The following ZMYND8 variants were observed in gnomAD, a reference collection of about 807,000 sequenced individuals.
ZMYND8 encodes zinc finger MYND-type containing 8, also known as MYND-type zinc finger-containing chromatin reader ZMYND8.
In ZMYND8, 37 loss-of-function variants were observed where a neutral mutation model predicts 140.8. That is an observed-to-expected ratio of 0.26 (90% CI 0.20 to 0.35). The LOEUF is 0.35. ZMYND8 is among the 10% of genes least tolerant of loss of function. ZMYND8 has a pLI of 1.00. For synonymous variants in ZMYND8, 592 were observed against 597.1 expected, an observed-to-expected ratio of 0.99 and a Z score of 0.12; for missense variants, 1,068 against 1,570.0, an observed-to-expected ratio of 0.68 and a Z score of 5.40.
chr20:47,323,357 C>T (rs906918644), intron 2 of ZMYND8, among the ~76,000 whole-genome samples: 6 of 152,136 alleles, frequency 3.9e-5, no homozygotes, highest in African/African-American at 1.4e-4. Context: ...ATCCTCCCAC[C>T]TCAGGCTCCC....
chr20:47,326,525 A>T (rs549406151), intron 2 of ZMYND8, among the ~76,000 whole-genome samples: 14 of 152,206 alleles, frequency 9.2e-5, no homozygotes, highest in Non-Finnish European at 2.1e-4. Context: ...CGCCACTGAG[A>T]TGGCCATTTA....
At chr20:47,230,284 G>GT (rs200382376) in intron 16 of ZMYND8, among the ~76,000 whole-genome samples, 8 of 150,250 alleles carry the variant, frequency 5.3e-5, no homozygotes, top group Non-Finnish European at 7.4e-5. Flanking sequence ...GATGTGTGGT[G>GT]TTTTTTTTGT....
intron 15 of ZMYND8, chr20:47,237,287 T>C (rs978700574): frequency 5.9e-5 from 9 of 151,960 alleles, no homozygotes; most frequent in Non-Finnish European, 1.0e-4. Context: ...GTTACGGGCA[T>C]GTGCCATCAT....
intron 2 of ZMYND8, among the ~76,000 whole-genome samples, chr20:47,341,385 G>A (rs1298344712): frequency 6.6e-6 from 1 of 151,838 alleles, no homozygotes; most frequent in African/African-American, 2.4e-5. Flanking sequence ...AAATTAGCCA[G>A]GCATGGTGGT....
At chr20:47,230,794 CCCCAAAAAGAAAAT>C (rs1209401797) in intron 16 of ZMYND8, among the ~76,000 whole-genome samples, 1 of 152,012 alleles carries the variant, frequency 6.6e-6, no homozygotes, top group African/African-American at 2.4e-5. Context: ...ATTTTCATTA[CCCCAAAAAGAAAAT>C]CCCACTCCCC....
chr20:47,351,601 T>C (rs543544940), intron 1 of ZMYND8: 9 of 914,328 alleles, frequency 9.8e-6, no homozygotes, highest in South Asian at 5.1e-5. Context: ...GATTACAAAA[T>C]AGTGAACATC....
intron 11 of ZMYND8, among the ~76,000 whole-genome samples, 184 bp from the exon 12 acceptor site, chr20:47,262,612 T>C (rs1314051633): frequency 6.6e-6 from 1 of 152,030 alleles, no homozygotes; most frequent in Non-Finnish European, 1.5e-5. Context: ...AGCAAAGGGC[T>C]TTAACCGGAT....
rs113674720 is a variant in ZMYND8, at chr20:47,214,240, G to T, written c.3485-1515C>A. Among the ~76,000 whole-genome samples the T allele has an allele frequency of 5.2e-3, 787 of 152,366 alleles. 8 individuals are homozygous for T. The highest frequency in any genetic ancestry group is 0.018 in the African/African-American group (728 of 41,588). On this transcript the variant is annotated intron_variant, in intron 21 of 22. Transcript: ENST00000471951. ...TTAGAAGGGGATCAAAACTGAGGAAGTCTTTTTGCTTTGACGTGACCTGTC... is the reference window on the plus strand; with the variant it reads ...TTAGAAGGGGATCAAAACTGAGGAATTCTTTTTGCTTTGACGTGACCTGTC...
At chr20:47,231,779 T>A (rs2147089410) in intron 16 of ZMYND8, among the ~76,000 whole-genome samples, 1 of 152,380 alleles carries the variant, frequency 6.6e-6, no homozygotes, top group Admixed American at 6.5e-5. Flanking sequence ...GTGTCCATTT[T>A]AAAAATTACA....
At chr20:47,216,519 G>A (rs1364825962) in intron 21 of ZMYND8, among the ~76,000 whole-genome samples, 4 of 69,570 alleles carry the variant, frequency 5.7e-5, no homozygotes, top group East Asian at 4.1e-4. Context: ...AAAAAAAAAA[G>A]GGCCGGGCTG....
At chr20:47,350,084 A>T in intron 1 of ZMYND8, 1 of 1,363,892 alleles carries the variant, frequency 7.3e-7, no homozygotes, top group Non-Finnish European at 9.5e-7. Context: ...GAGGGAAAAA[A>T]AAGTTAAGCT....
At chr20:47,234,360 T>C (rs1017611919) in intron 16 of ZMYND8, among the ~76,000 whole-genome samples, 6 of 152,222 alleles carry the variant, frequency 3.9e-5, no homozygotes, top group Admixed American at 2.0e-4. Flanking sequence ...CCATTGCTGA[T>C]TTTGATGAAG....
chr20:47,224,543 C>T lies in ZMYND8; in HGVS notation c.3030G>A (p.Ala1010=), dbSNP rs778041374. 16 of 1,613,352 alleles carry T rather than the reference C, an allele frequency of 9.9e-6. No homozygotes were observed. The highest frequency in any genetic ancestry group is 4.4e-5 in the South Asian group (4 of 91,094). ...EMKHNLELTM[A]EMRQSLEQER... is the part of the protein sequence containing the mutation. The stretch of plus-strand genomic sequence containing the variant: ...CCTGCTCCAGGCTCTGCCGCATCTC[C>T]GCCATGGTCAGCTCTGGTGGAGGAG... Residue 1010 remains alanine (A), a synonymous_variant, in exon 19 of 23, where the codon GCG becomes GCA. Coordinates refer to ENST00000471951, the MANE Select transcript of ZMYND8 (RefSeq NM_001281775.3).
intron 2 of ZMYND8, among the ~76,000 whole-genome samples, chr20:47,321,734 G>A (rs577759401): frequency 2.9e-4 from 44 of 152,244 alleles, no homozygotes; most frequent in South Asian, 4.2e-4. Flanking sequence ...TCCCAGGAAG[G>A]CCTCTGCCCT....
intron 14 of ZMYND8, among the ~76,000 whole-genome samples, chr20:47,239,810 G>C (rs958728652): frequency 1.1e-4 from 16 of 152,216 alleles, no homozygotes; most frequent in Non-Finnish European, 1.9e-4. Context: ...GAGTAGCATT[G>C]CTTTGGTTTT....
chr20:47,350,861 C>CT, intron 1 of ZMYND8, among the ~76,000 whole-genome samples: 1 of 152,052 alleles, frequency 6.6e-6, no homozygotes, highest in Non-Finnish European at 1.5e-5. Context: ...ACTGGGGGCC[C>CT]GCTACAGAAA....
intron 21 of ZMYND8, among the ~76,000 whole-genome samples, chr20:47,219,342 C>T (rs1043332517): frequency 2.0e-4 from 30 of 151,724 alleles, no homozygotes; most frequent in Non-Finnish European, 7.4e-5. Flanking sequence ...AGGCATGAGC[C>T]ACTGCGCCCG....
At chr20:47,290,586 T>G (rs921038237) in intron 6 of ZMYND8, among the ~76,000 whole-genome samples, 22 of 136,624 alleles carry the variant, frequency 1.6e-4, no homozygotes, top group Non-Finnish European at 2.2e-4. Context: ...TTATTTAGTT[T>G]TTTTTTTTTT....
intron 17 of ZMYND8, 53 bp from the exon 18 acceptor site, chr20:47,227,334 G>A: frequency 6.3e-7 from 1 of 1,574,810 alleles, no homozygotes; most frequent in Non-Finnish European, 8.7e-7. Context: ...AGTTCACCAG[G>A]AGGGCTCAGA....
Sources: gnomAD v4.1 joint callset for allele counts (sites outside exome capture counted in the v4.1 genomes callset) on GRCh38, gnomAD v4.1.1 for gene constraint, MANE v1.5 for transcripts, NCBI Gene and HGNC (gene_info 2026-07-23, HGNC 2026-07-21) for gene names.